CFAP299: variants seen among roughly 807,000 people sequenced by gnomAD.
CFAP299 encodes cilia and flagella associated protein 299.
CFAP299 carries 21 observed loss-of-function variants against 27.0 expected under a neutral mutation model. The ratio of observed to expected loss-of-function variants is 0.78; its 90% CI spans 0.55 to 1.12. The LOEUF is 1.12. Ranked by LOEUF, CFAP299 falls within the 50% of genes most tolerant of loss-of-function variation. The probability of loss-of-function intolerance (pLI) is 0.00; values close to 1 mark genes in which losing one functional copy is unlikely to be tolerated. For synonymous variants in CFAP299, 104 were observed against 98.1 expected (o/e 1.06, Z -0.36); for missense variants, 310 against 276.6 (o/e 1.12, Z -0.86).
intron 3 of CFAP299, among the ~76,000 whole-genome samples, chr4:80,647,377 T>A (rs1262103941): frequency 6.6e-6 from 1 of 152,336 alleles, no homozygotes; most frequent in Non-Finnish European, 1.5e-5. Context: ...AGTAATGTTT[T>A]AATGGCAAGT....
intron 2 of CFAP299, among the ~76,000 whole-genome samples, chr4:80,539,880 T>C (rs889990093): frequency 4.6e-5 from 7 of 152,124 alleles, no homozygotes; most frequent in Non-Finnish European, 1.0e-4. Context: ...TTGCAGGAGA[T>C]TTGGATTTAG....
rs147125008 is a variant in CFAP299 at position 80,572,059 on chromosome 4, G to T, written c.243-11034G>T. Among the ~76,000 whole-genome samples the T allele has an allele frequency of 6.6e-3, 1,008 of 152,024 alleles. 12 individuals carry two copies. Among genetic ancestry groups the T allele is most frequent in the African/African-American group, 0.023 (961 of 41,466 alleles). ...TTCTTTTTTCTTTTTAATGTTTGTG[G>T]GTACACAGGGTAGGTATATATATTT... On this transcript the variant is annotated intron_variant, in intron 2 of 5. Transcript: ENST00000358105.
At chr4:80,773,902 G>T (rs1190499948) in intron 3 of CFAP299, among the ~76,000 whole-genome samples, 1 of 151,942 alleles carries the variant, frequency 6.6e-6, no homozygotes, top group African/African-American at 2.4e-5. Flanking sequence ...AGTTACTTAA[G>T]TACTCTAGCA....
intron 5 of CFAP299, among the ~76,000 whole-genome samples, chr4:80,957,470 G>T (rs1738127956): frequency 6.6e-6 from 1 of 152,198 alleles, no homozygotes; most frequent in Admixed American, 6.5e-5. Flanking sequence ...ATATGGCAAA[G>T]ATTTTTAACT....
intron 2 of CFAP299, among the ~76,000 whole-genome samples, chr4:80,573,730 A>G (rs2109857822): frequency 6.6e-6 from 1 of 152,118 alleles, no homozygotes; most frequent in South Asian, 2.1e-4. Flanking sequence ...TTTCCCTAAT[A>G]TATATTCTTT....
At chr4:80,904,899 G>A (rs1445611639) in intron 4 of CFAP299, among the ~76,000 whole-genome samples, 1 of 151,934 alleles carries the variant, frequency 6.6e-6, no homozygotes, top group Non-Finnish European at 1.5e-5. Flanking sequence ...TTTGTCACAG[G>A]CAAGAAAATG....
intron 2 of CFAP299, among the ~76,000 whole-genome samples, chr4:80,376,783 T>C (rs186055739): frequency 6.6e-6 from 1 of 152,242 alleles, no homozygotes; most frequent in Non-Finnish European, 1.5e-5. Context: ...GCCTCCTGAG[T>C]AGCTGGAATT....
At chr4:80,554,324 A>G (rs565836188) in intron 2 of CFAP299, among the ~76,000 whole-genome samples, 1 of 151,974 alleles carries the variant, frequency 6.6e-6, no homozygotes, top group African/African-American at 2.4e-5. Flanking sequence ...TTTCTGTGTT[A>G]TCTATTGTGT....
At chr4:80,426,267 A>G (rs147916618) in intron 2 of CFAP299, among the ~76,000 whole-genome samples, 1,703 of 152,244 alleles carry the variant, frequency 0.011, 41 homozygotes, top group African/African-American at 0.038. Flanking sequence ...AAAGGAAAAA[A>G]GATGTTATAT....
chr4:80,716,261 T>G (rs904330314), intron 3 of CFAP299, among the ~76,000 whole-genome samples: 2 of 152,006 alleles, frequency 1.3e-5, no homozygotes, highest in African/African-American at 4.8e-5. Context: ...CATGACCTCA[T>G]GAGAGAAACA....
intron 3 of CFAP299, among the ~76,000 whole-genome samples, chr4:80,835,429 G>A (rs1730510624): frequency 6.6e-6 from 1 of 151,556 alleles, no homozygotes; most frequent in South Asian, 2.1e-4. Flanking sequence ...CAGTGGATCT[G>A]GAGTCAGACA....
intron 4 of CFAP299, among the ~76,000 whole-genome samples, chr4:80,884,781 C>T (rs1260495560): frequency 6.6e-6 from 1 of 151,986 alleles, no homozygotes; most frequent in African/African-American, 2.4e-5. Flanking sequence ...AGCAAGATGG[C>T]AGAATAGAAC....
chr4:80,631,085 A>G (rs1739181164), intron 3 of CFAP299, among the ~76,000 whole-genome samples: 1 of 152,088 alleles, frequency 6.6e-6, no homozygotes, highest in African/African-American at 2.4e-5. Flanking sequence ...TTATAAAATA[A>G]CATTATGTTC....
chr4:80,516,674 A>G (rs1329942388), intron 2 of CFAP299, among the ~76,000 whole-genome samples: 1 of 152,172 alleles, frequency 6.6e-6, no homozygotes, highest in East Asian at 1.9e-4. Context: ...CACTTGCAGC[A>G]TTAGGGATCA....
intron 3 of CFAP299, among the ~76,000 whole-genome samples, chr4:80,690,985 T>C (rs1026126784): frequency 6.7e-6 from 1 of 148,374 alleles, no homozygotes; most frequent in African/African-American, 2.5e-5. Flanking sequence ...ATCCCAAGAC[T>C]AAACCAGGAA....
intron 3 of CFAP299, among the ~76,000 whole-genome samples, chr4:80,654,198 C>A (rs1368134379): frequency 6.6e-6 from 1 of 152,068 alleles, no homozygotes; most frequent in Non-Finnish European, 1.5e-5. Context: ...TCATGTTTTA[C>A]AAATCTTTGT....
chr4:80,468,106 A>G (rs1729797231), intron 2 of CFAP299, among the ~76,000 whole-genome samples: 2 of 152,212 alleles, frequency 1.3e-5, no homozygotes, highest in South Asian at 4.1e-4. Context: ...AAGTGTTGAT[A>G]CCTACATAGG....
At position 80,874,376 on chromosome 4, in the gene CFAP299, A is replaced by G. The variant is rs142834636; in HGVS notation, c.476+4241A>G. Among the ~76,000 whole-genome samples the G allele has an allele frequency of 3.7e-3, 557 of 152,338 alleles. 5 individuals are homozygous for G. Among genetic ancestry groups the G allele is most frequent in the Middle Eastern group, 0.014 (4 of 294 alleles). On this transcript the variant is annotated intron_variant, in intron 4 of 5. Coordinates refer to ENST00000358105, the MANE Select transcript of CFAP299 (RefSeq NM_152770.3). ...CCATGAACCCACAGTGAAGCATCTC[A>G]GGTTCTCTTCCAACCACTGAGTTAG...
At chr4:80,667,440 T>G (rs1741198056) in intron 3 of CFAP299, among the ~76,000 whole-genome samples, 1 of 152,168 alleles carries the variant, frequency 6.6e-6, no homozygotes, top group African/African-American at 2.4e-5. Context: ...TCTTATTTCT[T>G]CTATCAAACT....
Sources: allele counts gnomAD v4.1 joint callset (sites outside exome capture counted in the v4.1 genomes callset), GRCh38; gene constraint gnomAD v4.1.1; transcripts MANE v1.5; gene names NCBI Gene and HGNC (gene_info 2026-07-23, HGNC 2026-07-21).